The following BMPR1B variants were observed in gnomAD, a reference collection of about 807,000 sequenced individuals.
BMPR1B encodes the protein bone morphogenetic protein receptor type 1B.
In BMPR1B, 12 loss-of-function variants were observed where a neutral mutation model predicts 59.1. The observed-to-expected ratio is 0.20, with a 90% confidence interval of 0.13 to 0.33. The LOEUF is 0.33. Ranked by LOEUF, BMPR1B falls within the 10% of genes least tolerant of loss-of-function variation. The pLI is 1.00. For missense variants in BMPR1B, 550 were observed against 610.9 expected, an observed-to-expected ratio of 0.90 and a Z score of 1.05; for synonymous variants, 237 against 207.3, an observed-to-expected ratio of 1.14 and a Z score of -1.23.
At chr4:94,993,479 G>C (rs1245324621) in intron 2 of BMPR1B, among the ~76,000 whole-genome samples, 1 of 151,394 alleles carries the variant, frequency 6.6e-6, no homozygotes, top group Admixed American at 6.6e-5. Flanking sequence ...TGACAGGGTG[G>C]CCGGGTGCAG....
intron 3 of BMPR1B, among the ~76,000 whole-genome samples, chr4:95,053,808 A>G (rs1015612502): frequency 6.6e-6 from 1 of 152,068 alleles, no homozygotes; most frequent in East Asian, 1.9e-4. Context: ...GAGGTTGTTT[A>G]TTTTATTTTA....
At chr4:94,859,721 AAAG>A (rs1025325837) in intron 1 of BMPR1B, among the ~76,000 whole-genome samples, 10 of 150,052 alleles carry the variant, frequency 6.7e-5, no homozygotes, top group African/African-American at 2.4e-4. Flanking sequence ...ACTTAAAAAA[AAAG>A]AGTTACTATG....
At chr4:95,030,625 T>C (rs1270469779) in intron 3 of BMPR1B, among the ~76,000 whole-genome samples, 2 of 152,010 alleles carry the variant, frequency 1.3e-5, no homozygotes, top group African/African-American at 4.8e-5. Flanking sequence ...AAAACCCCAT[T>C]GTCTCAGCCC....
intron 1 of BMPR1B, among the ~76,000 whole-genome samples, chr4:94,843,513 G>T (rs925172080): frequency 4.6e-5 from 7 of 152,140 alleles, no homozygotes; most frequent in Non-Finnish European, 1.0e-4. Flanking sequence ...ATTCTTCAGT[G>T]ATAACATAAT....
chr4:95,023,108 T>C (rs1383981904), intron 3 of BMPR1B, among the ~76,000 whole-genome samples: 3 of 152,288 alleles, frequency 2.0e-5, no homozygotes, highest in Non-Finnish European at 4.4e-5. Flanking sequence ...TATTTCCCAT[T>C]TCCAGTGTAA....
intron 1 of BMPR1B, among the ~76,000 whole-genome samples, chr4:94,795,405 T>A (rs1196430525): frequency 6.6e-6 from 1 of 151,878 alleles, no homozygotes; most frequent in African/African-American, 2.4e-5. Context: ...TTTGATGTGC[T>A]GCTGAATTCA....
At chr4:95,118,846 A>G (rs978698112) in intron 6 of BMPR1B, among the ~76,000 whole-genome samples, 6 of 152,164 alleles carry the variant, frequency 3.9e-5, no homozygotes, top group Admixed American at 1.3e-4. Context: ...GAGAGAAGAC[A>G]AGGAGGCTGC....
intron 1 of BMPR1B, among the ~76,000 whole-genome samples, chr4:94,788,259 T>C (rs1340597675): frequency 6.6e-6 from 1 of 152,138 alleles, no homozygotes; most frequent in Non-Finnish European, 1.5e-5. Flanking sequence ...CTTATGACAG[T>C]GCACCAGCAG....
intron 2 of BMPR1B, among the ~76,000 whole-genome samples, chr4:94,917,776 G>A (rs1257890004): frequency 6.6e-6 from 1 of 152,156 alleles, no homozygotes; most frequent in Non-Finnish European, 1.5e-5. Context: ...GTGTGAGGAG[G>A]ACATGAAATT....
At chr4:94,787,477 T>C (rs922828062) in intron 1 of BMPR1B, among the ~76,000 whole-genome samples, 1 of 152,178 alleles carries the variant, frequency 6.6e-6, no homozygotes, top group Non-Finnish European at 1.5e-5. Flanking sequence ...TCTCTGAAGA[T>C]TGGAAGGACA....
intron 1 of BMPR1B, among the ~76,000 whole-genome samples, chr4:94,848,771 A>G (rs13127888): frequency 0.61 from 93,037 of 151,786 alleles, 29,506 homozygotes; most frequent in African/African-American, 0.78. Context: ...GTGGGCTAGA[A>G]TGGCAGGGGT....
At chr4:95,148,478 T>C (rs1192484480) in intron 10 of BMPR1B, among the ~76,000 whole-genome samples, 1 of 152,094 alleles carries the variant, frequency 6.6e-6, no homozygotes, top group African/African-American at 2.4e-5. Flanking sequence ...CTTGAACCTC[T>C]AGGCTCAAGC....
Position 94,929,114 on chromosome 4 carries a change from GCTTAAGAGATT to G in BMPR1B, c.-113+53216_-113+53226del, listed in dbSNP as rs1449538719. Among the ~76,000 whole-genome samples, 3 of 152,034 alleles carry G rather than the reference GCTTAAGAGATT, an allele frequency of 2.0e-5. No homozygotes were observed. In the East Asian group the frequency reaches 5.8e-4, roughly 29 times the overall value. On this transcript the variant is annotated intron_variant, in intron 2 of 12. Coordinates refer to ENST00000515059, the MANE Select transcript of BMPR1B (RefSeq NM_001203.3). ...AGCATGAAACTTGGCTACTACGATG[GCTTAAGAGATT>G]CCTAAATGCTTTAATCCAGTAAGTG...
intron 3 of BMPR1B, among the ~76,000 whole-genome samples, chr4:95,102,852 A>C (rs1295994867): frequency 6.6e-6 from 1 of 152,040 alleles, no homozygotes. Context: ...GGTTTTTCTA[A>C]GTGGAGTCTA....
At chr4:95,041,917 C>T (rs1231783386) in intron 3 of BMPR1B, among the ~76,000 whole-genome samples, 1 of 151,784 alleles carries the variant, frequency 6.6e-6, no homozygotes, top group Admixed American at 6.6e-5. Context: ...TGCAGTGGTG[C>T]GATCTCAATT....
intron 11 of BMPR1B, 139 bp downstream of exon 11, chr4:95,149,062 G>C: frequency 9.1e-7 from 1 of 1,101,580 alleles, no homozygotes; most frequent in Non-Finnish European, 1.3e-6. Flanking sequence ...TGCAGTCATA[G>C]TGCTTCCAGG....
At position 94,830,552 on chromosome 4, in the gene BMPR1B, A is replaced by G. The variant is rs116278748; in HGVS notation, c.-182-45279A>G. Among the ~76,000 whole-genome samples, 136 of 152,272 alleles carry G rather than the reference A, an allele frequency of 8.9e-4. 1 individual carries two copies. Among genetic ancestry groups the G allele is most frequent in the African/African-American group, 2.9e-3 (120 of 41,550 alleles). On this transcript the variant is annotated intron_variant, in intron 1 of 12. Coordinates refer to ENST00000515059, the MANE Select transcript of BMPR1B (RefSeq NM_001203.3). Reference sequence around the variant, plus strand: ...CTTTTAAACTCCTTCAAGCATTGCTATTACTGGGGTTGCCTTTGGGAAAAC... The same window carrying G: ...CTTTTAAACTCCTTCAAGCATTGCTGTTACTGGGGTTGCCTTTGGGAAAAC...
At chr4:95,031,368 G>A (rs1230828391) in intron 3 of BMPR1B, among the ~76,000 whole-genome samples, 17 of 152,152 alleles carry the variant, frequency 1.1e-4, no homozygotes, top group Non-Finnish European at 2.4e-4. Context: ...TACATGTGAG[G>A]TGGAACTTGA....
intron 10 of BMPR1B, among the ~76,000 whole-genome samples, chr4:95,143,484 T>A (rs1341740471): frequency 6.6e-6 from 1 of 152,126 alleles, no homozygotes; most frequent in Non-Finnish European, 1.5e-5. Context: ...TTTGCTCCCC[T>A]TCCCTACCCT....
Sources: gnomAD v4.1 joint callset for allele counts (sites outside exome capture counted in the v4.1 genomes callset) on GRCh38, gnomAD v4.1.1 for gene constraint, MANE v1.5 for transcripts, NCBI Gene and HGNC (gene_info 2026-07-23, HGNC 2026-07-21) for gene names.